VWA8: variants seen among roughly 807,000 people sequenced by gnomAD.
VWA8 encodes von Willebrand factor A domain containing 8, also known as von Willebrand factor A domain-containing protein 8.
In VWA8, 221 loss-of-function variants were observed where a neutral mutation model predicts 241.5. The ratio of observed to expected loss-of-function variants is 0.91; its 90% CI spans 0.82 to 1.02. The LOEUF is 1.02. Among genes scored for constraint, VWA8 ranks in the 50% least tolerant of loss-of-function variants. The pLI is 0.00. For synonymous variants in VWA8, 852 were observed against 827.1 expected, an observed-to-expected ratio of 1.03 and a Z score of -0.52; for missense variants, 2,322 against 2,328.7, an observed-to-expected ratio of 1.00 and a Z score of 0.06.
At chr13:41,880,467 A>G (rs147487184) in intron 9 of VWA8, among the ~76,000 whole-genome samples, 5 of 152,292 alleles carry the variant, frequency 3.3e-5, no homozygotes, top group Admixed American at 2.6e-4. Flanking sequence ...ATATAACACT[A>G]TTATCCAATC....
chr13:41,830,730 T>G lies in VWA8; in HGVS notation c.1587-88A>C, dbSNP rs560291187. The stretch of plus-strand genomic sequence containing the variant: ...AGGCAGAATCAGTCAGCCAACAGTC[T>G]ATTATTGCTGGCAATTGAGTCTAAT... On this transcript the variant is annotated intron_variant, in intron 13 of 44. Transcript: ENST00000379310. 13 of 1,099,868 alleles carry G rather than the reference T, an allele frequency of 1.2e-5. No individual in the cohort carries two copies. In the African/African-American group the frequency reaches 2.0e-4, roughly 17 times the overall value. The allele number at this position is 1,099,868 out of a possible 1,614,324, so 68.1% of individuals were successfully genotyped here.
rs77298251 is a variant in VWA8 at position 41,680,993 on chromosome 13, T to G, written c.4327+4054A>C. On this transcript the variant is annotated intron_variant, in intron 35 of 44. Coordinates refer to ENST00000379310, the MANE Select transcript of VWA8 (RefSeq NM_015058.2). ...ATCTTCTTCCCAACTAGTTCCCAAC[T>G]CCGGGGCCTCTGTGTTCATCTCTGC... is the stretch of plus-strand genomic sequence containing the variant. Among the ~76,000 whole-genome samples the G allele has an allele frequency of 1.8e-3, 267 of 152,342 alleles. 1 individual carries two copies. Among genetic ancestry groups the G allele is most frequent in the African/African-American group, 6.2e-3 (256 of 41,590 alleles).
intron 1 of VWA8, among the ~76,000 whole-genome samples, chr13:41,959,243 C>T (rs1429029415): frequency 6.6e-6 from 1 of 152,028 alleles, no homozygotes; most frequent in Non-Finnish European, 1.5e-5. Flanking sequence ...TTCTTCTTAT[C>T]CTTTTACAGT....
At chr13:41,929,453 C>T (rs999994959) in intron 2 of VWA8, among the ~76,000 whole-genome samples, 13 of 152,106 alleles carry the variant, frequency 8.5e-5, no homozygotes, top group Non-Finnish European at 8.8e-5. Flanking sequence ...GCACTCAGCC[C>T]TGTGTTACAA....
At chr13:41,758,355 G>T (rs2045709139) in intron 21 of VWA8, among the ~76,000 whole-genome samples, 7 of 101,594 alleles carry the variant, frequency 6.9e-5, no homozygotes, top group Non-Finnish European at 9.8e-5. Context: ...TTTTCCCATT[G>T]CTATAGATAC....
intron 12 of VWA8, among the ~76,000 whole-genome samples, chr13:41,847,441 G>A (rs1403945114): frequency 2.6e-5 from 4 of 152,156 alleles, no homozygotes; most frequent in African/African-American, 7.2e-5. Flanking sequence ...CTGTGAAAAT[G>A]CCCCATAGCA....
At chr13:41,698,593 C>T (rs929890215) in intron 29 of VWA8, among the ~76,000 whole-genome samples, 6 of 152,068 alleles carry the variant, frequency 3.9e-5, no homozygotes, top group African/African-American at 7.2e-5. Flanking sequence ...AAACGTCATT[C>T]GGGTCTCAGA....
intron 37 of VWA8, among the ~76,000 whole-genome samples, chr13:41,617,406 A>G (rs2139664766): frequency 6.6e-6 from 1 of 152,342 alleles, no homozygotes; most frequent in Admixed American, 6.5e-5. Flanking sequence ...GGCATGAGCC[A>G]CTGTGCCAAG....
At chr13:41,692,657 G>A (rs564896826) in intron 30 of VWA8, among the ~76,000 whole-genome samples, 20 of 152,090 alleles carry the variant, frequency 1.3e-4, no homozygotes, top group African/African-American at 3.6e-4. Context: ...CAAGTATAAT[G>A]TCATAAAAAG....
intron 37 of VWA8, among the ~76,000 whole-genome samples, chr13:41,665,616 A>G (rs1292025449): frequency 6.6e-6 from 1 of 152,132 alleles, no homozygotes; most frequent in African/African-American, 2.4e-5. Context: ...ATACCTAACG[A>G]GCTCAGAACC....
At chr13:41,719,147 A>G (rs1015665711) in intron 26 of VWA8, among the ~76,000 whole-genome samples, 5 of 152,042 alleles carry the variant, frequency 3.3e-5, no homozygotes, top group African/African-American at 1.2e-4. Flanking sequence ...TAAGTAACCA[A>G]AAATCTCTCT....
At chr13:41,824,568 C>T (rs763412041) in intron 14 of VWA8, among the ~76,000 whole-genome samples, 4 of 151,988 alleles carry the variant, frequency 2.6e-5, no homozygotes, top group Admixed American at 6.6e-5. Context: ...TGTCTCATGC[C>T]TGTAATCCCA....
chr13:41,694,113 AATAT>A (rs1384049117), intron 29 of VWA8, among the ~76,000 whole-genome samples: 1 of 152,004 alleles, frequency 6.6e-6, no homozygotes, highest in Non-Finnish European at 1.5e-5. Context: ...GCTTATATTT[AATAT>A]ATAAAGAATA....
chr13:41,739,857 G>GTTTTTTT (rs368778376), intron 21 of VWA8, among the ~76,000 whole-genome samples: 5 of 64,498 alleles, frequency 7.8e-5, no homozygotes, highest in African/African-American at 1.2e-4. Context: ...TGTTTTTTTT[G>GTTTTTTT]TTTTTTTTTT....
chr13:41,623,373 A>G (rs572344773), intron 37 of VWA8, among the ~76,000 whole-genome samples: 12 of 152,306 alleles, frequency 7.9e-5, no homozygotes, highest in African/African-American at 2.4e-4. Context: ...CTAATCTCCT[A>G]TGTAAGTAAA....
chr13:41,943,289 T>C (rs749183586), intron 2 of VWA8, among the ~76,000 whole-genome samples: 62 of 152,294 alleles, frequency 4.1e-4, no homozygotes, highest in Non-Finnish European at 7.4e-4. Context: ...ATTATCACTA[T>C]AGATTCTACA....
At chr13:41,599,557 G>C (rs1369643188) in intron 40 of VWA8, among the ~76,000 whole-genome samples, 2 of 152,050 alleles carry the variant, frequency 1.3e-5, no homozygotes, top group African/African-American at 4.8e-5. Context: ...ATTCTCGAAT[G>C]ATGAGATACA....
chr13:41,589,528 T>C (rs900835477), intron 41 of VWA8, among the ~76,000 whole-genome samples: 1 of 152,160 alleles, frequency 6.6e-6, no homozygotes, highest in African/African-American at 2.4e-5. Context: ...CCTCTAAATA[T>C]GGTGCTTGGA....
At chr13:41,885,763 G>A (rs942069472) in intron 8 of VWA8, among the ~76,000 whole-genome samples, 157 bp downstream of exon 8, 3 of 152,212 alleles carry the variant, frequency 2.0e-5, no homozygotes, top group Non-Finnish European at 4.4e-5. Context: ...CTTGGTCTCT[G>A]TACAGTTTAC....
Sources: gnomAD v4.1 joint callset for allele counts (sites outside exome capture counted in the v4.1 genomes callset) on GRCh38, gnomAD v4.1.1 for gene constraint, MANE v1.5 for transcripts, NCBI Gene and HGNC (gene_info 2026-07-23, HGNC 2026-07-21) for gene names.